Variants in HEATR5B observed in about 807,000 individuals in gnomAD.
The protein encoded by HEATR5B is HEAT repeat-containing protein 5B.
HEATR5B carries 156 observed loss-of-function variants against 224.1 expected under a neutral mutation model. That is an observed-to-expected ratio of 0.70 (90% CI 0.61 to 0.80). The LOEUF is 0.80. Ranked by LOEUF, HEATR5B falls within the 30% of genes least tolerant of loss-of-function variation. HEATR5B has a pLI of 0.00. For synonymous variants in HEATR5B, 1,027 were observed against 893.0 expected (o/e 1.15, Z -2.68); for missense variants, 2,323 against 2,535.5 (o/e 0.92, Z 1.80).
At chr2:37,007,860 T>C (rs1667532516) in intron 28 of HEATR5B, among the ~76,000 whole-genome samples, 1 of 152,252 alleles carries the variant, frequency 6.6e-6, no homozygotes. Flanking sequence ...TCTTACCTTT[T>C]CTTACCCTGT....
intron 12 of HEATR5B, among the ~76,000 whole-genome samples, chr2:37,059,464 ATTTT>A (rs35615621): frequency 2.7e-4 from 18 of 65,834 alleles, no homozygotes; most frequent in African/African-American, 9.4e-4. Context: ...ATATATATAT[ATTTT>A]TTTTTTTTTT....
chr2:36,990,657 G>C lies in HEATR5B; in HGVS notation c.5688C>G (p.Cys1896Trp). The change falls in exon 34 of 36, where the codon TGC (cysteine) becomes TGG (tryptophan). Residue 1896 changes from cysteine to tryptophan, a missense_variant. Physicochemically the swap from Cys to Trp is radical, Grantham distance 215. Around this residue, in one of 12 missense-constraint regions of HEATR5B, gnomAD observed 844 missense variants for 812.9 expected, o/e 1.04. Coordinates refer to ENST00000233099, the MANE Select transcript of HEATR5B (RefSeq NM_019024.3). ...MNRFKNALNS[C>W]DPWVQAKCYQ... is the part of the protein sequence containing the mutation. ...GTAACGTGTAACTTACCCATGGGTC[G>C]CATGAATTTAATGCATTTTTAAATC... The C allele has an allele frequency of 3.8e-6, 6 of 1,584,176 alleles. No individual in the cohort carries two copies. Among genetic ancestry groups the C allele is most frequent in the South Asian group, 1.2e-5 (1 of 86,406 alleles).
intron 31 of HEATR5B, 147 bp downstream of exon 31, chr2:37,003,395 C>A: frequency 1.9e-6 from 1 of 516,244 alleles, no homozygotes; most frequent in Non-Finnish European, 3.3e-6. Flanking sequence ...ATAATCACAT[C>A]ATTGCGCTCC....
intron 35 of HEATR5B, among the ~76,000 whole-genome samples, chr2:36,987,282 A>T (rs1023534348): frequency 3.9e-5 from 6 of 152,072 alleles, no homozygotes; most frequent in African/African-American, 1.4e-4. Flanking sequence ...TACAAAACTA[A>T]GCCAGGCGTT....
chr2:37,062,505 T>C lies in HEATR5B; in HGVS notation c.1585-455A>G, dbSNP rs879384492. ...GGCAACATCAAGACCTGGTTAGTCT[T>C]GATTGCACTGATGACTCTGAAGAGA... is the stretch of plus-strand genomic sequence containing the variant. On this transcript the variant is annotated intron_variant, in intron 10 of 35. Coordinates refer to ENST00000233099, the MANE Select transcript of HEATR5B (RefSeq NM_019024.3). Among the ~76,000 whole-genome samples, 12 of 152,184 alleles carry C rather than the reference T, an allele frequency of 7.9e-5. No homozygotes were observed. The South Asian group carries it at 1.2e-3, about 16-fold the overall frequency.
rs1230409905 is a variant in HEATR5B at position 37,005,647 on chromosome 2, A to G, written c.4890T>C (p.His1630=). 6.2e-7 allele frequency: 1 copy of G among 1,613,804 alleles called. No homozygotes were observed. The highest frequency in any genetic ancestry group is 8.5e-7 in the Non-Finnish European group (1 of 1,179,720). The change falls in exon 30 of 36, where the codon CAT becomes CAC. Residue 1630 remains histidine (H), a synonymous_variant. Coordinates refer to ENST00000233099, the MANE Select transcript of HEATR5B (RefSeq NM_019024.3). ...TLLDSPYARV[H]IAEDQLIGVE... Reference sequence around the variant, plus strand: ...TACACTGTACCTGATCTTCTGCAATATGGACTCGAGCATAAGGGGAGTCTA... The same window carrying G: ...TACACTGTACCTGATCTTCTGCAATGTGGACTCGAGCATAAGGGGAGTCTA...
chr2:37,053,451 A>G, intron 17 of HEATR5B, 51 bp downstream of exon 17: 2 of 973,102 alleles, frequency 2.1e-6, no homozygotes, highest in Middle Eastern at 3.3e-4. Flanking sequence ...GGCTTATTAA[A>G]TGCATTAATT....
intron 18 of HEATR5B, among the ~76,000 whole-genome samples, chr2:37,045,217 TTGA>T (rs1432528579): frequency 6.6e-6 from 1 of 152,194 alleles, no homozygotes; most frequent in Non-Finnish European, 1.5e-5. Flanking sequence ...TTTCTATTGA[TTGA>T]TGTTTTCTCC....
At chr2:36,999,553 C>T (rs564027686) in intron 33 of HEATR5B, among the ~76,000 whole-genome samples, 2 of 151,836 alleles carry the variant, frequency 1.3e-5, no homozygotes, top group Non-Finnish European at 2.9e-5. Context: ...GTTGCGCACA[C>T]CTGTAGTCCC....
chr2:37,008,691 C>T lies in HEATR5B; in HGVS notation c.4442G>A (p.Ser1481Asn), dbSNP rs745345914. Reference protein sequence around the residue: ...TLVQPELPTLSRLWLAALKDY... With the variant: ...TLVQPELPTLNRLWLAALKDY... ...TTTTAATGCTGCTAACCACAGGCGA[C>T]TGAGTGTTGGTAGTTCAGGTTGTAC... The change falls in exon 28 of 36, where the codon AGT becomes AAT. Residue 1481 changes from serine to asparagine, a missense_variant. Around this residue, in one of 12 missense-constraint regions of HEATR5B, gnomAD observed 844 missense variants for 812.9 expected, o/e 1.04. Coordinates refer to ENST00000233099, the MANE Select transcript of HEATR5B (RefSeq NM_019024.3). 4 of 1,614,146 alleles carry T rather than the reference C, an allele frequency of 2.5e-6. No homozygotes were observed. In the South Asian group the frequency reaches 4.4e-5, roughly 18 times the overall value.
intron 17 of HEATR5B, among the ~76,000 whole-genome samples, chr2:37,051,996 T>C (rs2148529935): frequency 1.3e-5 from 2 of 152,280 alleles, no homozygotes; most frequent in Middle Eastern, 6.8e-3. Flanking sequence ...CGCCTCGGCC[T>C]CCCAAAGTGC....
chr2:36,984,213 A>ATATATATATAT (rs1553411467), intron 35 of HEATR5B, among the ~76,000 whole-genome samples: 1 of 86,114 alleles, frequency 1.2e-5, no homozygotes, highest in African/African-American at 4.6e-5. Context: ...AAAAAAAAAA[A>ATATATATATAT]AAATATATAT....
At chr2:37,058,612 T>G in intron 13 of HEATR5B, 52 bp from the exon 14 acceptor site, 1 of 1,280,682 alleles carries the variant, frequency 7.8e-7, no homozygotes. Context: ...AAGTATTACT[T>G]ATAAATTTTT....
At chr2:37,039,447 T>C (rs888095809) in intron 20 of HEATR5B, among the ~76,000 whole-genome samples, 3 of 151,860 alleles carry the variant, frequency 2.0e-5, no homozygotes, top group Non-Finnish European at 4.4e-5. Context: ...GCCTGGGCAA[T>C]AGATTCAAAA....
At position 37,007,159 on chromosome 2, in the gene HEATR5B, A is replaced by G. The variant is rs74842279; in HGVS notation, c.4668T>C (p.Ser1556=). The G allele has an allele frequency of 1.2e-3, 1,877 of 1,614,148 alleles. 33 individuals carry two copies. The East Asian group carries it at 0.037, about 32-fold the overall frequency. ...CSESTEAAAI[S]GLQKRSTSVN... Reference sequence around the variant, plus strand: ...CAGATGTAGAACGTTTTTGTAAACCAGATATTGCTGCTGCTTCTGTAGACT... The same window carrying G: ...CAGATGTAGAACGTTTTTGTAAACCGGATATTGCTGCTGCTTCTGTAGACT... Residue 1556 remains serine (S), a synonymous_variant, in exon 29 of 36, where the codon TCT becomes TCC. Coordinates refer to ENST00000233099, the MANE Select transcript of HEATR5B (RefSeq NM_019024.3).
chr2:37,012,394 AT>A (rs897271764), intron 27 of HEATR5B, among the ~76,000 whole-genome samples: 45 of 147,920 alleles, frequency 3.0e-4, no homozygotes, highest in Non-Finnish European at 4.8e-4. Context: ...AATTAATTAA[AT>A]TTTTTTTTTT....
chr2:36,996,198 T>A (rs1405467645), intron 33 of HEATR5B, among the ~76,000 whole-genome samples: 1 of 151,792 alleles, frequency 6.6e-6, no homozygotes, highest in Non-Finnish European at 1.5e-5. Flanking sequence ...GTAGCTGGGA[T>A]TATAGGCGCC....
At chr2:37,038,514 T>C (rs919306275) in intron 20 of HEATR5B, among the ~76,000 whole-genome samples, 1 of 152,216 alleles carries the variant, frequency 6.6e-6, no homozygotes, top group Non-Finnish European at 1.5e-5. Context: ...TTTATACGCA[T>C]TGCCTTATCA....
At chr2:37,048,977 T>C (rs1050373475) in intron 18 of HEATR5B, among the ~76,000 whole-genome samples, 5 of 152,240 alleles carry the variant, frequency 3.3e-5, no homozygotes, top group Non-Finnish European at 7.3e-5. Context: ...ATATGATAGC[T>C]AAGAATGATA....
Sources: allele counts gnomAD v4.1 joint callset (sites outside exome capture counted in the v4.1 genomes callset), GRCh38; gene constraint gnomAD v4.1.1; regional missense constraint gnomAD v4.1.1; transcripts MANE v1.5; gene names NCBI Gene and HGNC (gene_info 2026-07-23, HGNC 2026-07-21).